EGFR: variants seen among roughly 807,000 people sequenced by gnomAD.
EGFR encodes epidermal growth factor receptor, also known as avian erythroblastic leukemia viral (v-erb-b) oncogene homolog.
A neutral mutation model predicts 143.0 loss-of-function variants in EGFR; 58 were observed. The observed-to-expected ratio is 0.41, with a 90% confidence interval of 0.33 to 0.50. The LOEUF (loss-of-function observed/expected upper bound fraction) is 0.50, where lower values mean the gene tolerates loss of function less well. Among genes scored for constraint, EGFR ranks in the 20% least tolerant of loss-of-function variants. The pLI is 0.39. For synonymous variants in EGFR, 613 were observed against 594.4 expected (o/e 1.03, Z -0.45); for missense variants, 1,307 against 1,579.0 (o/e 0.83, Z 2.92).
intron 1 of EGFR, among the ~76,000 whole-genome samples, chr7:55,067,363 T>C (rs1236007124): frequency 6.8e-6 from 1 of 147,430 alleles, no homozygotes; most frequent in East Asian, 1.9e-4. Flanking sequence ...TTGGAAGGCA[T>C]CTGTTGGAAA....
intron 25 of EGFR, 115 bp from the exon 26 acceptor site, chr7:55,201,619 CA>C: frequency 7.2e-7 from 1 of 1,390,944 alleles, no homozygotes; most frequent in Admixed American, 1.7e-5. Context: ...ACGATTAAGA[CA>C]AAAATTAAAC....
At position 55,210,370 on chromosome 7, in the gene EGFR, G is replaced by A. The variant is rs561305896; in HGVS notation, c.*4753G>A. 1.1e-4 allele frequency: 17 copies of A among 152,356 alleles called. No individual in the cohort carries two copies. Among genetic ancestry groups the A allele is most frequent in the African/African-American group, 4.1e-4 (17 of 41,566 alleles). The allele number at this position is 152,356 out of a possible 1,614,324, so 9.4% of individuals were successfully genotyped here. On this transcript the variant is annotated 3_prime_UTR_variant, in exon 28 of 28. Coordinates refer to ENST00000275493, the MANE Select transcript of EGFR (RefSeq NM_005228.5). ...GCCTGGGCCCAGCCACCCTAGAGAA[G>A]TTATTCAGCCCTGGCTGCAGTGACA...
chr7:55,192,714 A>G (rs1654733727), intron 21 of EGFR, 52 bp from the exon 22 acceptor site: 1 of 1,553,934 alleles, frequency 6.4e-7, no homozygotes. Context: ...AACTTTTTCC[A>G]ACAGAGGGAA....
chr7:55,064,690 A>C (rs920320492), intron 1 of EGFR, among the ~76,000 whole-genome samples: 1 of 152,260 alleles, frequency 6.6e-6, no homozygotes, highest in Non-Finnish European at 1.5e-5. Flanking sequence ...CCAAGAAAAG[A>C]TAGTGAAACC....
chr7:55,113,941 G>T (rs1792673327), intron 1 of EGFR, among the ~76,000 whole-genome samples: 1 of 152,188 alleles, frequency 6.6e-6, no homozygotes, highest in South Asian at 2.1e-4. Flanking sequence ...ACTCTGATGG[G>T]CACGGCCATG....
At position 55,021,250 on chromosome 7, in the gene EGFR, G is replaced by A. The variant is rs1786549280; in HGVS notation, c.88+1885G>A. Reference sequence around the variant, plus strand: ...CAGGCCCGTCCTGCCTGCCTGGGGTGCCCGGGAGACGCGGGCCTGCTCCGG... The same window carrying A: ...CAGGCCCGTCCTGCCTGCCTGGGGTACCCGGGAGACGCGGGCCTGCTCCGG... On this transcript the variant is annotated intron_variant, in intron 1 of 27. Coordinates refer to ENST00000275493, the MANE Select transcript of EGFR (RefSeq NM_005228.5). Among the ~76,000 whole-genome samples the A allele has an allele frequency of 2.0e-5, 3 of 152,192 alleles. No individual in the cohort carries two copies. The South Asian group carries it at 6.2e-4, about 32-fold the overall frequency.
chr7:55,197,687 C>T (rs146697638), intron 22 of EGFR, among the ~76,000 whole-genome samples: 24 of 152,222 alleles, frequency 1.6e-4, no homozygotes, highest in Middle Eastern at 6.8e-3. Context: ...TCTTTAAATA[C>T]CTAGTTTATT....
chr7:55,042,686 A>G (rs1583893581), intron 1 of EGFR, among the ~76,000 whole-genome samples: 1 of 152,252 alleles, frequency 6.6e-6, no homozygotes, highest in South Asian at 2.1e-4. Context: ...TAATTATCCA[A>G]CCAGAAGACA....
At chr7:55,204,386 G>T (rs1283762741) in intron 27 of EGFR, among the ~76,000 whole-genome samples, 1 of 132,390 alleles carries the variant, frequency 7.6e-6, no homozygotes, top group African/African-American at 2.9e-5. Flanking sequence ...CACCACACAT[G>T]CATAAACATA....
At chr7:55,061,944 G>C (rs988575556) in intron 1 of EGFR, among the ~76,000 whole-genome samples, 3 of 152,294 alleles carry the variant, frequency 2.0e-5, no homozygotes, top group African/African-American at 7.2e-5. Flanking sequence ...AAGCGCTTGA[G>C]GTTCGCTCAT....
rs777241924 is a variant in EGFR, at chr7:55,206,517, C to G, written c.*900C>G. 20 of 233,116 alleles carry G rather than the reference C, an allele frequency of 8.6e-5. No individual in the cohort carries two copies. Among genetic ancestry groups the G allele is most frequent in the Non-Finnish European group, 1.7e-4 (20 of 118,070 alleles). 14.4% of individuals were successfully genotyped at this position (233,116 alleles called of 1,614,324 possible). ...GCCCACAGCTGAGAATGTGGAATAC[C>G]TAAGGATAGCACCGCTTTTGTTCTC... On this transcript the variant is annotated 3_prime_UTR_variant, in exon 28 of 28. Coordinates refer to ENST00000275493, the MANE Select transcript of EGFR (RefSeq NM_005228.5).
intron 17 of EGFR, 26 bp downstream of exon 17, chr7:55,173,150 A>T (rs1418589576): frequency 6.2e-7 from 1 of 1,605,628 alleles, no homozygotes; most frequent in East Asian, 2.2e-5. Flanking sequence ...GGGTGGGCTC[A>T]GGAGCCCTCG....
chr7:55,082,711 G>A (rs971353656), intron 1 of EGFR, among the ~76,000 whole-genome samples: 1 of 152,194 alleles, frequency 6.6e-6, no homozygotes, highest in African/African-American at 2.4e-5. Flanking sequence ...ATCTCGTGCA[G>A]GGCAGCCGTA....
intron 6 of EGFR, among the ~76,000 whole-genome samples, chr7:55,153,768 T>C (rs1785270138): frequency 6.6e-6 from 1 of 152,184 alleles, no homozygotes. Context: ...CGTATTTTTA[T>C]CATAATCCAT....
At chr7:55,031,665 T>G (rs1437064856) in intron 1 of EGFR, among the ~76,000 whole-genome samples, 8 of 152,196 alleles carry the variant, frequency 5.3e-5, no homozygotes. Flanking sequence ...CTACTAAATG[T>G]TCATAATGTT....
rs1424329195 is a variant in EGFR, at chr7:55,181,360, C to T, written c.2351C>T (p.Ser784Phe). 6 of 1,614,120 alleles carry T rather than the reference C, an allele frequency of 3.7e-6. No individual in the cohort carries two copies. Among genetic ancestry groups the T allele is most frequent in the Non-Finnish European group, 5.1e-6 (6 of 1,180,044 alleles). ...CGCCTGCTGGGCATCTGCCTCACCT[C>T]CACCGTGCAGCTCATCACGCAGCTC... Reference protein sequence around the residue: ...VCRLLGICLTSTVQLITQLMP... With the variant: ...VCRLLGICLTFTVQLITQLMP... The change falls in exon 20 of 28, where the codon TCC (serine) becomes TTC (phenylalanine). Residue 784 changes from serine to phenylalanine, a missense_variant. Ser to Phe is a radical substitution (Grantham distance 155). Coordinates refer to ENST00000275493, the MANE Select transcript of EGFR (RefSeq NM_005228.5).
intron 1 of EGFR, among the ~76,000 whole-genome samples, chr7:55,122,703 A>C (rs557338853): frequency 6.6e-6 from 1 of 152,280 alleles, no homozygotes; most frequent in Non-Finnish European, 1.5e-5. Context: ...AGGACAGCTC[A>C]AGCATCAGAT....
At chr7:55,154,513 T>C (rs919352667) in intron 7 of EGFR, among the ~76,000 whole-genome samples, 11 of 152,252 alleles carry the variant, frequency 7.2e-5, no homozygotes, top group African/African-American at 2.7e-4. Context: ...GGCATGCCAC[T>C]GTTTAGTGCT....
chr7:55,165,518 A>C (rs1785933681), intron 15 of EGFR, 81 bp downstream of exon 15: 1 of 1,533,200 alleles, frequency 6.5e-7, no homozygotes, highest in South Asian at 1.3e-5. Flanking sequence ...GTTTTCCGGC[A>C]ACAAATTGCC....
Sources: gnomAD v4.1 joint callset for allele counts (sites outside exome capture counted in the v4.1 genomes callset) on GRCh38, gnomAD v4.1.1 for gene constraint, MANE v1.5 for transcripts, NCBI Gene and HGNC (gene_info 2026-07-23, HGNC 2026-07-21) for gene names.